RYR2: variants seen among roughly 807,000 people sequenced by gnomAD.
RYR2 encodes the protein ryanodine receptor 2.
In RYR2, 227 loss-of-function variants were observed where a neutral mutation model predicts 601.1. That is an observed-to-expected ratio of 0.38 (90% CI 0.34 to 0.42). The LOEUF (loss-of-function observed/expected upper bound fraction) is 0.42, where lower values mean the gene tolerates loss of function less well. RYR2 is among the 10% of genes least tolerant of loss of function. The pLI is 1.00. For missense variants in RYR2, 4,646 were observed against 6,156.5 expected (o/e 0.75, Z 8.21); for synonymous variants, 2,223 against 2,175.1 (o/e 1.02, Z -0.61).
intron 2 of RYR2, among the ~76,000 whole-genome samples, chr1:237,292,448 G>A (rs1692330247): frequency 6.6e-6 from 1 of 152,170 alleles, no homozygotes; most frequent in Non-Finnish European, 1.5e-5. Flanking sequence ...TCCTACTTCA[G>A]AACAGGCAGA....
At chr1:237,130,853 A>G (rs1014997133) in intron 1 of RYR2, among the ~76,000 whole-genome samples, 1 of 152,188 alleles carries the variant, frequency 6.6e-6, no homozygotes, top group African/African-American at 2.4e-5. Flanking sequence ...TTTTTTAGAT[A>G]CAGGGTCTTA....
intron 79 of RYR2, among the ~76,000 whole-genome samples, chr1:237,740,580 C>A (rs1691522901): frequency 6.6e-6 from 1 of 152,000 alleles, no homozygotes; most frequent in Non-Finnish European, 1.5e-5. Context: ...TCCCAAATAA[C>A]AATTTGTCTG....
chr1:237,288,911 C>G (rs1340271354), intron 2 of RYR2, among the ~76,000 whole-genome samples: 1 of 152,114 alleles, frequency 6.6e-6, no homozygotes, highest in Non-Finnish European at 1.5e-5. Context: ...TGCTCCTCTC[C>G]CATTGGATCC....
At chr1:237,681,132 T>C (rs1685841502) in intron 62 of RYR2, among the ~76,000 whole-genome samples, 1 of 152,196 alleles carries the variant, frequency 6.6e-6, no homozygotes, top group South Asian at 2.1e-4. Context: ...TATCAGGTCC[T>C]TTTACTCAAA....
rs1694145396 is a variant in RYR2, at chr1:237,769,948, G to C, written c.11477-859G>C. On this transcript the variant is annotated intron_variant, in intron 84 of 104. Transcript: ENST00000366574. ...CTTTCCTTGTGTTTTTGCTTTCAAA[G>C]TAACTTGTGATCAAGATACCTTTAA... Among the ~76,000 whole-genome samples, 4 of 152,132 alleles carry C rather than the reference G, an allele frequency of 2.6e-5. No homozygotes were observed. In the South Asian group the frequency reaches 8.3e-4, roughly 32 times the overall value.
intron 16 of RYR2, among the ~76,000 whole-genome samples, chr1:237,462,414 A>G (rs1659582889): frequency 6.6e-6 from 1 of 152,192 alleles, no homozygotes; most frequent in Non-Finnish European, 1.5e-5. Context: ...GATCTTAGAA[A>G]CAGCGATACT....
At chr1:237,320,615 G>C (rs1415506322) in intron 2 of RYR2, among the ~76,000 whole-genome samples, 1 of 152,092 alleles carries the variant, frequency 6.6e-6, no homozygotes, top group Non-Finnish European at 1.5e-5. Flanking sequence ...ATATCCAAAG[G>C]TATATACCCT....
intron 10 of RYR2, among the ~76,000 whole-genome samples, chr1:237,394,323 G>A (rs1236514114): frequency 6.6e-6 from 1 of 152,192 alleles, no homozygotes; most frequent in Non-Finnish European, 1.5e-5. Flanking sequence ...TTTCAAATCT[G>A]TGCTGATTCA....
chr1:237,572,100 G>C (rs899345463), intron 29 of RYR2, among the ~76,000 whole-genome samples: 3 of 151,882 alleles, frequency 2.0e-5, no homozygotes, highest in African/African-American at 7.3e-5. Flanking sequence ...CTTATCTCCG[G>C]GTGGTGAAAT....
chr1:237,449,317 A>C (rs1376211133), intron 14 of RYR2, among the ~76,000 whole-genome samples: 1 of 152,124 alleles, frequency 6.6e-6, no homozygotes, highest in African/African-American at 2.4e-5. Context: ...GTGGTTACTT[A>C]CGGTTTATAG....
rs115914969 is a variant in RYR2, at chr1:237,501,350, A to G, written c.2396+447A>G. On this transcript the variant is annotated intron_variant, in intron 21 of 104. Transcript: ENST00000366574. Reference sequence around the variant, plus strand: ...AATATCCTTTTTGTTGATGAGGCCCAGATGGCTTTCTTCAGTGTTCCTCTC... The same window carrying G: ...AATATCCTTTTTGTTGATGAGGCCCGGATGGCTTTCTTCAGTGTTCCTCTC... Among the ~76,000 whole-genome samples, 1,035 of 152,250 alleles carry G rather than the reference A, an allele frequency of 6.8e-3. 12 individuals are homozygous for G. Among genetic ancestry groups the G allele is most frequent in the African/African-American group, 0.023 (965 of 41,550 alleles).
intron 14 of RYR2, among the ~76,000 whole-genome samples, chr1:237,453,219 G>A (rs775087438): frequency 2.0e-5 from 3 of 152,114 alleles, no homozygotes; most frequent in East Asian, 3.9e-4. Context: ...TTATAGAGGC[G>A]ATAAAACTTG....
In RYR2 at chr1:237,724,816, C is replaced by CAT. The variant is rs537547703; in HGVS notation, c.10690-1449_10690-1448dup. On this transcript the variant is annotated intron_variant, in intron 74 of 104. Transcript: ENST00000366574. Reference sequence around the variant, plus strand: ...TTTTTAATTCTTCCTAGTGTTTATACATATATATAGATTTGCTTGAATAAA... The same window carrying CAT: ...TTTTTAATTCTTCCTAGTGTTTATACATATATATATAGATTTGCTTGAATAAA... 4.3e-3 allele frequency among the ~76,000 whole-genome samples: 656 copies of CAT among 152,002 alleles called. 5 individuals carry two copies. The highest frequency in any genetic ancestry group is 0.015 in the African/African-American group (634 of 41,476).
At chr1:237,567,970 G>A (rs1003580052) in intron 28 of RYR2, among the ~76,000 whole-genome samples, 2 of 149,282 alleles carry the variant, frequency 1.3e-5, no homozygotes, top group African/African-American at 4.9e-5. Flanking sequence ...TTTTTGGGGG[G>A]TTGGGGGGCG....
chr1:237,209,729 G>A, intron 1 of RYR2, among the ~76,000 whole-genome samples: 1 of 152,108 alleles, frequency 6.6e-6, no homozygotes, highest in Non-Finnish European at 1.5e-5. Flanking sequence ...GGTGATGCAT[G>A]CCTATAGTTT....
At chr1:237,627,537 GA>G (rs1679803580) in intron 40 of RYR2, among the ~76,000 whole-genome samples, 1 of 152,098 alleles carries the variant, frequency 6.6e-6, no homozygotes, top group Non-Finnish European at 1.5e-5. Flanking sequence ...TGGTAATTTT[GA>G]AAAAGTGATA....
At chr1:237,698,577 T>G (rs1687697426) in intron 63 of RYR2, among the ~76,000 whole-genome samples, 1 of 152,180 alleles carries the variant, frequency 6.6e-6, no homozygotes, top group South Asian at 2.1e-4. Context: ...ATGAAAATTT[T>G]TAAACTTTAA....
intron 21 of RYR2, among the ~76,000 whole-genome samples, chr1:237,503,040 T>C (rs1664834119): frequency 6.6e-6 from 1 of 152,178 alleles, no homozygotes; most frequent in Non-Finnish European, 1.5e-5. Flanking sequence ...CAGCAGGTGA[T>C]GTCTTCACTG....
chr1:237,661,885 A>G (rs1451615210), intron 56 of RYR2, among the ~76,000 whole-genome samples: 3 of 152,140 alleles, frequency 2.0e-5, no homozygotes, highest in Non-Finnish European at 4.4e-5. Context: ...CAGGGAGGAC[A>G]CCAAATACCA....
Sources: gnomAD v4.1 joint callset for allele counts (sites outside exome capture counted in the v4.1 genomes callset) on GRCh38, gnomAD v4.1.1 for gene constraint, MANE v1.5 for transcripts, NCBI Gene and HGNC (gene_info 2026-07-23, HGNC 2026-07-21) for gene names.